Variants in RIT2 observed in about 807,000 individuals in gnomAD.
RIT2 encodes the protein Ras like without CAAX 2, also known as GTP-binding protein Rit2.
Under a neutral mutation model 23.7 loss-of-function variants are expected in RIT2, and 24 were observed. That is an observed-to-expected ratio of 1.01 (90% CI 0.73 to 1.43). The LOEUF (loss-of-function observed/expected upper bound fraction) is 1.43. Ranked by LOEUF, RIT2 falls within the 40% of genes most tolerant of loss-of-function variation. The probability of loss-of-function intolerance (pLI) is 0.00; values close to 1 mark genes in which losing one functional copy is unlikely to be tolerated. For missense variants in RIT2, 236 were observed against 266.9 expected, an observed-to-expected ratio of 0.88 and a Z score of 0.81; for synonymous variants, 107 against 91.1, an observed-to-expected ratio of 1.17 and a Z score of -0.99.
chr18:43,061,965 C>T (rs1309825665), intron 1 of RIT2, among the ~76,000 whole-genome samples: 1 of 152,048 alleles, frequency 6.6e-6, no homozygotes, highest in African/African-American at 2.4e-5. Flanking sequence ...CCCTCCCACT[C>T]ACCAACCAAT....
chr18:42,856,005 A>T (rs768404503), intron 4 of RIT2, among the ~76,000 whole-genome samples: 5 of 152,128 alleles, frequency 3.3e-5, no homozygotes, highest in Non-Finnish European at 7.4e-5. Flanking sequence ...CAGCCTCAGA[A>T]GTAAAAGTTT....
At chr18:43,022,003 T>A (rs1911609234) in intron 2 of RIT2, among the ~76,000 whole-genome samples, 2 of 152,230 alleles carry the variant, frequency 1.3e-5, no homozygotes, top group Middle Eastern at 3.4e-3. Context: ...GATACCTGCA[T>A]TCCCATGTTT....
chr18:42,889,711 T>A (rs1394576963), intron 4 of RIT2, among the ~76,000 whole-genome samples: 1 of 152,078 alleles, frequency 6.6e-6, no homozygotes, highest in East Asian at 1.9e-4. Flanking sequence ...TAAAAATGTA[T>A]ACCGCCATCA....
At chr18:42,778,906 A>G (rs1283470045) in intron 4 of RIT2, among the ~76,000 whole-genome samples, 6 of 152,112 alleles carry the variant, frequency 3.9e-5, no homozygotes, top group African/African-American at 9.7e-5. Flanking sequence ...TGAAAAATCT[A>G]TTTCCCTCTG....
In RIT2 at chr18:43,115,520, C is replaced by T. The variant is rs760187498; in HGVS notation, c.-1G>A. 16 of 1,609,726 alleles carry T rather than the reference C, an allele frequency of 9.9e-6. No individual in the cohort carries two copies. The highest frequency in any genetic ancestry group is 1.4e-5 in the Non-Finnish European group (16 of 1,178,806). ...AGCTGGCTTCATTTTCTACCTCCATCTTACCCGAGGGACCGGAGGAAAAAA... is the reference window on the plus strand; with the variant it reads ...AGCTGGCTTCATTTTCTACCTCCATTTTACCCGAGGGACCGGAGGAAAAAA... On this transcript the variant is annotated 5_prime_UTR_variant, in exon 1 of 5. Coordinates refer to ENST00000326695, the MANE Select transcript of RIT2 (RefSeq NM_002930.4).
At chr18:42,772,000 T>C (rs1463411481) in intron 4 of RIT2, among the ~76,000 whole-genome samples, 1 of 152,138 alleles carries the variant, frequency 6.6e-6, no homozygotes. Context: ...TGAATAGTGA[T>C]AGTGCAAGCA....
intron 4 of RIT2, among the ~76,000 whole-genome samples, chr18:42,861,645 A>T (rs1401855167): frequency 1.3e-5 from 2 of 152,246 alleles, no homozygotes; most frequent in African/African-American, 4.8e-5. Context: ...ATGCTGTTCC[A>T]CTAGATTAAC....
intron 1 of RIT2, among the ~76,000 whole-genome samples, chr18:43,081,918 T>C (rs1267747420): frequency 6.6e-6 from 1 of 152,118 alleles, no homozygotes; most frequent in Non-Finnish European, 1.5e-5. Flanking sequence ...CCTTCCTGAC[T>C]ACTTACATCA....
chr18:43,100,505 C>T (rs556383101), intron 1 of RIT2, among the ~76,000 whole-genome samples: 3 of 152,158 alleles, frequency 2.0e-5, no homozygotes, highest in East Asian at 3.9e-4. Flanking sequence ...CTTAAAAGGA[C>T]CACTCTAGCT....
chr18:43,038,033 T>G (rs1234113559), intron 1 of RIT2, among the ~76,000 whole-genome samples: 1 of 151,710 alleles, frequency 6.6e-6, no homozygotes, highest in Non-Finnish European at 1.5e-5. Flanking sequence ...TGAAACCCCA[T>G]CTTTACTAAA....
intron 1 of RIT2, among the ~76,000 whole-genome samples, chr18:43,104,634 T>G (rs1913765808): frequency 6.6e-6 from 1 of 152,160 alleles, no homozygotes; most frequent in African/African-American, 2.4e-5. Context: ...ATAAAATCCC[T>G]AATATTTTTC....
chr18:43,038,990 G>A (rs1598757375), intron 1 of RIT2, among the ~76,000 whole-genome samples: 1 of 152,022 alleles, frequency 6.6e-6, no homozygotes, highest in African/African-American at 2.4e-5. Context: ...GTTTTCAACA[G>A]AATCTTTAGT....
At chr18:43,091,384 T>A (rs1320456863) in intron 1 of RIT2, among the ~76,000 whole-genome samples, 2 of 152,088 alleles carry the variant, frequency 1.3e-5, no homozygotes, top group African/African-American at 2.4e-5. Context: ...CCAATACCAA[T>A]GAGATTCACT....
At chr18:43,067,622 A>T (rs1177066465) in intron 1 of RIT2, among the ~76,000 whole-genome samples, 2 of 152,178 alleles carry the variant, frequency 1.3e-5, no homozygotes, top group Non-Finnish European at 2.9e-5. Context: ...AGAAAGGAAT[A>T]TCTGGGTTAT....
chr18:42,779,977 G>T (rs1028409949), intron 4 of RIT2, among the ~76,000 whole-genome samples: 9 of 144,034 alleles, frequency 6.2e-5, no homozygotes, highest in Non-Finnish European at 1.2e-4. Flanking sequence ...ACTATGATAT[G>T]ATAGTTATAA....
At chr18:43,092,122 A>T (rs537205554) in intron 1 of RIT2, among the ~76,000 whole-genome samples, 1 of 152,112 alleles carries the variant, frequency 6.6e-6, no homozygotes, top group East Asian at 1.9e-4. Flanking sequence ...ACATACCGGG[A>T]CCTCTACCAC....
chr18:42,943,274 C>G (rs1284768948), intron 3 of RIT2, among the ~76,000 whole-genome samples: 1 of 152,020 alleles, frequency 6.6e-6, no homozygotes, highest in African/African-American at 2.4e-5. Flanking sequence ...CTGATTGGTA[C>G]ATTTTACAGC....
chr18:42,801,688 C>G (rs1905543486), intron 4 of RIT2, among the ~76,000 whole-genome samples: 1 of 152,192 alleles, frequency 6.6e-6, no homozygotes, highest in African/African-American at 2.4e-5. Flanking sequence ...CTACAAATAG[C>G]TAACTCTGGT....
intron 2 of RIT2, among the ~76,000 whole-genome samples, chr18:43,027,287 A>G (rs1057462821): frequency 6.6e-6 from 1 of 152,110 alleles, no homozygotes; most frequent in Admixed American, 6.6e-5. Flanking sequence ...GAGAAATGCG[A>G]AAGGCACTAG....
Sources: gnomAD v4.1 joint callset for allele counts (sites outside exome capture counted in the v4.1 genomes callset) on GRCh38, gnomAD v4.1.1 for gene constraint, MANE v1.5 for transcripts, NCBI Gene and HGNC (gene_info 2026-07-23, HGNC 2026-07-21) for gene names.